Variants in TBC1D22A observed in about 807,000 individuals in gnomAD.
TBC1D22A encodes TBC1 domain family member 22A, also known as putative GTPase activator.
A neutral mutation model predicts 60.2 loss-of-function variants in TBC1D22A; 38 were observed. The ratio of observed to expected loss-of-function variants is 0.63; its 90% CI spans 0.49 to 0.83. TBC1D22A has a LOEUF of 0.83. Ranked by LOEUF, TBC1D22A falls within the 40% of genes least tolerant of loss-of-function variation. The pLI, the probability that TBC1D22A is intolerant of heterozygous loss-of-function variation, is 0.00. For synonymous variants in TBC1D22A, 302 were observed against 281.7 expected (o/e 1.07, Z -0.72); for missense variants, 628 against 701.0 (o/e 0.90, Z 1.18).
intron 7 of TBC1D22A, among the ~76,000 whole-genome samples, chr22:46,898,653 T>A (rs1409094591): frequency 6.6e-6 from 1 of 152,148 alleles, no homozygotes; most frequent in Non-Finnish European, 1.5e-5. Context: ...TATGCATTTG[T>A]GTCTGGTGGG....
intron 4 of TBC1D22A, among the ~76,000 whole-genome samples, chr22:46,856,551 G>A (rs112868368): frequency 6.8e-4 from 104 of 152,214 alleles, no homozygotes; most frequent in African/African-American, 2.5e-3. Flanking sequence ...CATTGGCTGC[G>A]GGATCAATGA....
intron 11 of TBC1D22A, among the ~76,000 whole-genome samples, chr22:47,052,543 G>A (rs1268761398): frequency 6.6e-6 from 1 of 152,134 alleles, no homozygotes; most frequent in Non-Finnish European, 1.5e-5. Context: ...GAGGGGACTC[G>A]CCTGAGGTCA....
chr22:47,042,711 A>C (rs1312976652), intron 11 of TBC1D22A, among the ~76,000 whole-genome samples: 1 of 152,232 alleles, frequency 6.6e-6, no homozygotes, highest in African/African-American at 2.4e-5. Flanking sequence ...TCCACTGCTG[A>C]GAGGGGCCAC....
intron 12 of TBC1D22A, among the ~76,000 whole-genome samples, chr22:47,158,647 TC>T (rs1273128005): frequency 1.3e-5 from 2 of 152,132 alleles, no homozygotes; most frequent in African/African-American, 4.8e-5. Flanking sequence ...CTCTGCTGCG[TC>T]CTGCTCAGGA....
At chr22:46,999,619 C>A (rs543175876) in intron 10 of TBC1D22A, among the ~76,000 whole-genome samples, 1 of 152,200 alleles carries the variant, frequency 6.6e-6, no homozygotes, top group Non-Finnish European at 1.5e-5. Context: ...TCACCTGTTT[C>A]ATCACTTGCC....
chr22:47,131,112 C>T (rs1313746832), intron 12 of TBC1D22A, among the ~76,000 whole-genome samples: 1 of 152,192 alleles, frequency 6.6e-6, no homozygotes, highest in East Asian at 1.9e-4. Flanking sequence ...TCACTCACTA[C>T]CACAGGGAAG....
Position 46,926,089 on chromosome 22 carries a change from T to C in TBC1D22A, c.1015+13901T>C, listed in dbSNP as rs77575036. ...AACCAGTGGGTCAAAGAAGAAATCG[T>C]AAGGGAAATTAGAAATTGCTGTGAG... On this transcript the variant is annotated intron_variant, in intron 8 of 12. Coordinates refer to ENST00000337137, the MANE Select transcript of TBC1D22A (RefSeq NM_014346.5). 5.4e-3 allele frequency among the ~76,000 whole-genome samples: 822 copies of C among 152,290 alleles called. 15 individuals are homozygous for C. Among genetic ancestry groups the C allele is most frequent in the Admixed American group, 0.032 (497 of 15,300 alleles).
At chr22:46,870,050 C>T (rs1431057044) in intron 4 of TBC1D22A, among the ~76,000 whole-genome samples, 3 of 152,220 alleles carry the variant, frequency 2.0e-5, no homozygotes, top group African/African-American at 7.2e-5. Context: ...GAAGCGTGCT[C>T]TTGGATTTGT....
intron 10 of TBC1D22A, among the ~76,000 whole-genome samples, chr22:47,001,798 C>T (rs1473481790): frequency 1.3e-5 from 2 of 152,100 alleles, no homozygotes; most frequent in East Asian, 3.8e-4. Context: ...CGAAACAAGG[C>T]TCATGGCTAA....
chr22:47,166,468 T>C (rs1601742976), intron 12 of TBC1D22A, among the ~76,000 whole-genome samples: 1 of 152,374 alleles, frequency 6.6e-6, no homozygotes, highest in East Asian at 1.9e-4. Flanking sequence ...CTTTTGTTCT[T>C]AATAAATATT....
chr22:47,004,091 C>T (rs1027653646), intron 10 of TBC1D22A, among the ~76,000 whole-genome samples: 2 of 150,258 alleles, frequency 1.3e-5, no homozygotes, highest in Non-Finnish European at 3.0e-5. Flanking sequence ...ACACACACAC[C>T]CTCATATACA....
intron 10 of TBC1D22A, among the ~76,000 whole-genome samples, chr22:47,016,361 A>G (rs901147347): frequency 2.0e-5 from 3 of 151,892 alleles, no homozygotes; most frequent in African/African-American, 4.8e-5. Context: ...TCCCCGCTAC[A>G]TGAGTGGTTA....
At chr22:47,130,952 G>C (rs1425335604) in intron 12 of TBC1D22A, among the ~76,000 whole-genome samples, 2 of 152,240 alleles carry the variant, frequency 1.3e-5, no homozygotes, top group Non-Finnish European at 2.9e-5. Context: ...TGCAGCATCT[G>C]CTCAGCTTCT....
chr22:47,171,810 T>C (rs1194608532), intron 12 of TBC1D22A, among the ~76,000 whole-genome samples: 1 of 152,110 alleles, frequency 6.6e-6, no homozygotes, highest in Non-Finnish European at 1.5e-5. Flanking sequence ...TGGACGTAGG[T>C]CAGTCTCCAT....
At chr22:47,172,477 T>C (rs2068520316) in intron 12 of TBC1D22A, among the ~76,000 whole-genome samples, 1 of 152,250 alleles carries the variant, frequency 6.6e-6, no homozygotes, top group African/African-American at 2.4e-5. Context: ...GAACGACTTA[T>C]AATTGTTGCT....
chr22:47,029,212 T>G (rs1385016387), intron 10 of TBC1D22A, among the ~76,000 whole-genome samples: 1 of 144,868 alleles, frequency 6.9e-6, no homozygotes, highest in East Asian at 2.0e-4. Flanking sequence ...ACACAGCGCT[T>G]CCATACCCCT....
In TBC1D22A at chr22:46,762,662, C is replaced by G. The variant is rs1200026865; in HGVS notation, c.-125C>G. 5 of 757,356 alleles carry G rather than the reference C, an allele frequency of 6.6e-6. No individual in the cohort carries two copies. The highest frequency in any genetic ancestry group is 8.6e-5 in the Admixed American group (2 of 23,212). 46.9% of individuals were successfully genotyped at this position (757,356 alleles called of 1,614,324 possible). A position where few individuals can be genotyped will look rare whatever the true frequency, so the allele number is the denominator to read the frequency against. On this transcript the variant is annotated 5_prime_UTR_variant, in exon 1 of 13. Coordinates refer to ENST00000337137, the MANE Select transcript of TBC1D22A (RefSeq NM_014346.5). The stretch of plus-strand genomic sequence containing the variant: ...TCCGGAAGGAGGCGGAAGAGCTTCT[C>G]GGCTCTAGGCTCTGGAGTCCCGGGA...
At chr22:46,793,864 A>G (rs2084535308) in intron 3 of TBC1D22A, 23 bp downstream of exon 3, 3 of 1,521,114 alleles carry the variant, frequency 2.0e-6, no homozygotes, top group South Asian at 1.3e-5. Flanking sequence ...GACTGAAGAG[A>G]TGGTCTGGGT....
intron 10 of TBC1D22A, among the ~76,000 whole-genome samples, chr22:46,999,346 A>G (rs57273926): frequency 0.048 from 7,310 of 152,244 alleles, 563 homozygotes; most frequent in African/African-American, 0.17. Flanking sequence ...TTCATATGGC[A>G]ATTTTTTGTT....
Sources: allele counts gnomAD v4.1 joint callset (sites outside exome capture counted in the v4.1 genomes callset), GRCh38; gene constraint gnomAD v4.1.1; transcripts MANE v1.5; gene names NCBI Gene and HGNC (gene_info 2026-07-23, HGNC 2026-07-21).